CDH18: variants seen among roughly 807,000 people sequenced by gnomAD.
CDH18 encodes cadherin 18.
Under a neutral mutation model 67.9 loss-of-function variants are expected in CDH18, and 31 were observed. The observed-to-expected ratio is 0.46, with a 90% CI of 0.34 to 0.62. The LOEUF is 0.62. CDH18 is among the 20% of genes least tolerant of loss of function. CDH18 has a pLI of 0.01. For missense variants in CDH18, 890 were observed against 975.5 expected (o/e 0.91, Z 1.17); for synonymous variants, 362 against 347.2 (o/e 1.04, Z -0.48).
At chr5:20,402,999 A>G (rs1028856407) in intron 1 of CDH18, among the ~76,000 whole-genome samples, 58 of 142,564 alleles carry the variant, frequency 4.1e-4, no homozygotes, top group African/African-American at 1.5e-3. Context: ...CCTGGCCAAC[A>G]TGCCATGTCT....
intron 2 of CDH18, among the ~76,000 whole-genome samples, chr5:20,002,156 CTA>C (rs1358250287): frequency 6.6e-6 from 1 of 152,170 alleles, no homozygotes; most frequent in Non-Finnish European, 1.5e-5. Context: ...TACATTTCTA[CTA>C]TGTTTTGAAT....
intron 3 of CDH18, among the ~76,000 whole-genome samples, chr5:19,784,016 C>T (rs987821503): frequency 1.1e-4 from 17 of 151,978 alleles, no homozygotes; most frequent in African/African-American, 4.1e-4. Context: ...TGAGTAAAAA[C>T]ATTTTATTTT....
chr5:20,494,332 GAGA>G (rs1359849147), intron 1 of CDH18, among the ~76,000 whole-genome samples: 1 of 152,096 alleles, frequency 6.6e-6, no homozygotes, highest in East Asian at 1.9e-4. Context: ...AGAGGGATAA[GAGA>G]AGAAGCAGTA....
At chr5:20,031,432 G>C (rs1294037608) in intron 2 of CDH18, among the ~76,000 whole-genome samples, 1 of 151,980 alleles carries the variant, frequency 6.6e-6, no homozygotes, top group Non-Finnish European at 1.5e-5. Flanking sequence ...GGTAACAAAG[G>C]CTAAGAATTC....
chr5:20,077,579 C>G (rs899029351), intron 2 of CDH18, among the ~76,000 whole-genome samples: 1 of 152,090 alleles, frequency 6.6e-6, no homozygotes, highest in Admixed American at 6.6e-5. Flanking sequence ...AATGATAAAC[C>G]TTTTTTCCCA....
chr5:19,807,598 A>C (rs1778166931), intron 3 of CDH18, among the ~76,000 whole-genome samples: 1 of 152,142 alleles, frequency 6.6e-6, no homozygotes, highest in African/African-American at 2.4e-5. Context: ...CAGGTACCTG[A>C]GTCTTTGAGC....
intron 1 of CDH18, 105 bp downstream of exon 1, chr5:19,987,981 A>T (rs555557642): frequency 1.3e-5 from 2 of 152,290 alleles, no homozygotes; most frequent in South Asian, 4.2e-4. Flanking sequence ...GGAGATGAAG[A>T]TTTCACCCAA....
At chr5:19,950,037 T>C (rs1795641445) in intron 2 of CDH18, among the ~76,000 whole-genome samples, 1 of 150,892 alleles carries the variant, frequency 6.6e-6, no homozygotes, top group Admixed American at 6.6e-5. Flanking sequence ...AAATATCACA[T>C]TGAATAAATA....
At position 19,880,037 on chromosome 5, in the gene CDH18, A is replaced by T. The variant is rs956921615; in HGVS notation, c.-256-40795T>A. 3.1e-4 allele frequency among the ~76,000 whole-genome samples: 47 copies of T among 152,152 alleles called. 2 individuals are homozygous for T. Among genetic ancestry groups the T allele is most frequent in the Admixed American group, 3.0e-3 (46 of 15,270 alleles). Reference sequence around the variant, plus strand: ...GGGGCATTAAATATACCATGCAAACATACATTTGACATTGTAGAAATAATA... The same window carrying T: ...GGGGCATTAAATATACCATGCAAACTTACATTTGACATTGTAGAAATAATA... On this transcript the variant is annotated intron_variant, in intron 2 of 12. Coordinates refer to ENST00000382275, the MANE Select transcript of CDH18 (RefSeq NM_004934.5).
intron 6 of CDH18, among the ~76,000 whole-genome samples, chr5:19,591,522 AAG>A (rs1263872129): frequency 9.5e-4 from 145 of 152,218 alleles, no homozygotes; most frequent in African/African-American, 3.1e-3. Context: ...AGACAATTAG[AAG>A]AGAGGTAAAG....
Position 20,154,607 on chromosome 5 carries a change from T to C in CDH18, c.-518+100837A>G, listed in dbSNP as rs534050098. 2.0e-5 allele frequency among the ~76,000 whole-genome samples: 3 copies of C among 152,292 alleles called. No individual in the cohort carries two copies. In the East Asian group the frequency reaches 5.8e-4, roughly 29 times the overall value. Reference sequence around the variant, plus strand: ...AATTGATAACTTCTAACTACCTCTGTCTGCCTCCCTCAGTCTCTGTGCCAT... The same window carrying C: ...AATTGATAACTTCTAACTACCTCTGCCTGCCTCCCTCAGTCTCTGTGCCAT... On this transcript the variant is annotated intron_variant, in intron 2 of 14. Transcript: ENST00000507958.
At chr5:19,477,434 C>A (rs1238682601) in intron 12 of CDH18, among the ~76,000 whole-genome samples, 1 of 151,532 alleles carries the variant, frequency 6.6e-6, no homozygotes, top group East Asian at 1.9e-4. Context: ...GGTAATGTGA[C>A]ATTGTGTTAA....
Position 20,206,969 on chromosome 5 carries a change from A to G in CDH18, c.-518+48475T>C, listed in dbSNP as rs537621615. The stretch of plus-strand genomic sequence containing the variant: ...TGCCCATTATCTCTACTTTTATTCA[A>G]TGTAATACTGGAATTCCCAGCTAGA... On this transcript the variant is annotated intron_variant, in intron 2 of 14. Coordinates refer to the CDH18 transcript ENST00000507958. Among the ~76,000 whole-genome samples the G allele has an allele frequency of 3.7e-4, 56 of 152,136 alleles. No individual in the cohort carries two copies. In the East Asian group the frequency reaches 3.7e-3, roughly 10 times the overall value.
chr5:19,601,243 C>T (rs1171041786), intron 6 of CDH18, among the ~76,000 whole-genome samples: 1 of 152,082 alleles, frequency 6.6e-6, no homozygotes, highest in Admixed American at 6.5e-5. Flanking sequence ...AGAAAGAGGA[C>T]TCTCAAATAA....
At chr5:20,103,516 G>A (rs2150580156) in intron 2 of CDH18, among the ~76,000 whole-genome samples, 1 of 148,748 alleles carries the variant, frequency 6.7e-6, no homozygotes, top group Non-Finnish European at 1.5e-5. Flanking sequence ...ACGAGGTCAG[G>A]AGTTTGAGAC....
chr5:20,066,689 C>T (rs1337468310), intron 2 of CDH18, among the ~76,000 whole-genome samples: 1 of 151,478 alleles, frequency 6.6e-6, no homozygotes, highest in African/African-American at 2.4e-5. Flanking sequence ...CTTTAAAAGC[C>T]ACAGTAAGAA....
chr5:20,196,544 T>A (rs1220535124), intron 2 of CDH18, among the ~76,000 whole-genome samples: 1 of 152,180 alleles, frequency 6.6e-6, no homozygotes, highest in Non-Finnish European at 1.5e-5. Context: ...TCTTTTCAGC[T>A]CAGAGAAAAA....
intron 3 of CDH18, 45 bp downstream of exon 3, chr5:19,838,714 C>A: frequency 7.4e-7 from 1 of 1,352,182 alleles, no homozygotes; most frequent in Non-Finnish European, 1.1e-6. Context: ...TCTTACCCCA[C>A]AATTTCTCAG....
chr5:19,964,673 A>G (rs1797256689), intron 2 of CDH18, among the ~76,000 whole-genome samples: 1 of 149,718 alleles, frequency 6.7e-6, no homozygotes, highest in African/African-American at 2.4e-5. Flanking sequence ...AAAAAAAAAG[A>G]AAGAAAAGAC....
Sources: allele counts gnomAD v4.1 joint callset (sites outside exome capture counted in the v4.1 genomes callset), GRCh38; gene constraint gnomAD v4.1.1; transcripts MANE v1.5; gene names NCBI Gene and HGNC (gene_info 2026-07-23, HGNC 2026-07-21).